The following LATS2 variants were observed in gnomAD, a reference collection of about 807,000 sequenced individuals.
The protein encoded by LATS2 is serine/threonine-protein kinase LATS2.
A neutral mutation model predicts 76.0 loss-of-function variants in LATS2; 24 were observed. That is an observed-to-expected ratio of 0.32 (90% CI 0.23 to 0.44). The LOEUF (loss-of-function observed/expected upper bound fraction) is 0.44. Ranked by LOEUF, LATS2 falls within the 20% of genes least tolerant of loss-of-function variation. LATS2 has a pLI of 1.00. For missense variants in LATS2, 1,286 were observed against 1,481.2 expected, an observed-to-expected ratio of 0.87 and a Z score of 2.16; for synonymous variants, 692 against 635.4, an observed-to-expected ratio of 1.09 and a Z score of -1.34.
At chr13:21,009,508 A>G (rs186858641) in intron 2 of LATS2, among the ~76,000 whole-genome samples, 1 of 152,230 alleles carries the variant, frequency 6.6e-6, no homozygotes, top group African/African-American at 2.4e-5. Flanking sequence ...TAAAACAATT[A>G]ACAGACTGTT....
At chr13:21,056,003 G>T (rs1214985520) in intron 1 of LATS2, among the ~76,000 whole-genome samples, 1 of 152,194 alleles carries the variant, frequency 6.6e-6, no homozygotes. Flanking sequence ...TGGGGATCCA[G>T]GAAAACACAC....
rs568403371 is a variant in LATS2, at chr13:21,038,156, G to A, written c.342+7529C>T. 6.6e-5 allele frequency among the ~76,000 whole-genome samples: 10 copies of A among 152,102 alleles called. No individual in the cohort carries two copies. In the South Asian group the frequency reaches 1.9e-3, roughly 28 times the overall value. On this transcript the variant is annotated intron_variant, in intron 2 of 7. Coordinates refer to ENST00000382592, the MANE Select transcript of LATS2 (RefSeq NM_014572.3). ...CTGAGGAGGGTACTGTGCAGGGAAG[G>A]CCGGAGAAAGACGCAGAAGGGGCAA...
At position 20,988,818 on chromosome 13, in the gene LATS2, G is replaced by A; in HGVS notation, c.962C>T (p.Ala321Val). The change falls in exon 4 of 8, where the codon GCC becomes GTC. Residue 321 changes from alanine to valine, a missense_variant. Physicochemically the swap from Ala to Val is moderately conservative, Grantham distance 64. Coordinates refer to ENST00000382592, the MANE Select transcript of LATS2 (RefSeq NM_014572.3). Reference protein sequence around the residue: ...LYVPHPHHKQAGPAAHQLHVL... With the variant: ...LYVPHPHHKQVGPAAHQLHVL... ...ATGCAGCTGGTGGGCCGCGGGACCG[G>A]CCTGCTTGTGGTGTGGGTGCGGCAC... The A allele has an allele frequency of 6.3e-7, 1 of 1,596,796 alleles. No individual in the cohort carries two copies.
intron 2 of LATS2, among the ~76,000 whole-genome samples, chr13:21,036,451 A>T (rs1404376311): frequency 6.6e-6 from 1 of 152,116 alleles, no homozygotes; most frequent in Non-Finnish European, 1.5e-5. Flanking sequence ...ACCACTTTCT[A>T]TTATCACACA....
At chr13:20,993,703 G>T (rs2138301738) in intron 2 of LATS2, among the ~76,000 whole-genome samples, 1 of 152,292 alleles carries the variant, frequency 6.6e-6, no homozygotes, top group Non-Finnish European at 1.5e-5. Flanking sequence ...GGCAGCGGTG[G>T]TTCAGAAGGG....
chr13:21,038,484 T>A (rs1017374665), intron 2 of LATS2: 10 of 152,150 alleles, frequency 6.6e-5, no homozygotes, highest in African/African-American at 2.4e-4. Context: ...ATTACAGGTG[T>A]GAGTCACTGC....
chr13:21,061,567 G>C lies in LATS2; in HGVS notation c.-426C>G, dbSNP rs1402687103. ...ACCCAAGTGGGACATTCGCTACATT[G>C]TTGGCATTCCACGGGCGTCACGTGA... On this transcript the variant is annotated 5_prime_UTR_variant, in exon 1 of 8. Transcript: ENST00000382592. The C allele has an allele frequency of 6.6e-6, 1 of 152,644 alleles. No homozygotes were observed. Among genetic ancestry groups the C allele is most frequent in the African/African-American group, 2.4e-5 (1 of 41,458 alleles). The allele number at this position is 152,644 out of a possible 1,614,324, so 9.5% of individuals were successfully genotyped here.
At position 20,992,350 on chromosome 13, in the gene LATS2, C is replaced by T. The variant is rs138137566; in HGVS notation, c.343-946G>A. ...GAGGAAGCTTTCAAACTGGGACATA[C>T]GGCATCAGCAGGTCAGGCTGGGGGC... On this transcript the variant is annotated intron_variant, in intron 2 of 7. Coordinates refer to ENST00000382592, the MANE Select transcript of LATS2 (RefSeq NM_014572.3). 7.4e-4 allele frequency among the ~76,000 whole-genome samples: 113 copies of T among 152,266 alleles called. 2 individuals are homozygous for T. The highest frequency in any genetic ancestry group is 2.4e-3 in the African/African-American group (98 of 41,548).
At chr13:21,024,975 C>A (rs534019608) in intron 2 of LATS2, among the ~76,000 whole-genome samples, 1 of 152,298 alleles carries the variant, frequency 6.6e-6, no homozygotes, top group Non-Finnish European at 1.5e-5. Flanking sequence ...GCAGACCAGG[C>A]TTCCCCCATA....
intron 1 of LATS2, among the ~76,000 whole-genome samples, chr13:21,057,503 A>G (rs916341997): frequency 2.0e-5 from 3 of 152,216 alleles, no homozygotes; most frequent in African/African-American, 7.2e-5. Flanking sequence ...CTGTTTTCAT[A>G]CTTTCAAAAT....
Position 21,057,564 on chromosome 13 carries a change from C to T in LATS2, c.-205+3782G>A, listed in dbSNP as rs192321129. Among the ~76,000 whole-genome samples, 1,196 of 152,072 alleles carry T rather than the reference C, an allele frequency of 7.9e-3. 10 individuals are homozygous for T. The highest frequency in any genetic ancestry group is 0.028 in the African/African-American group (1,145 of 41,476). ...GGGCGCGGTGGCTCATGCCTGTAGG[C>T]GGGTGGATCACGAGGTCAGGAGATC... is the stretch of plus-strand genomic sequence containing the variant. On this transcript the variant is annotated intron_variant, in intron 1 of 7. Transcript: ENST00000382592.
At chr13:20,977,252 T>C (rs921545854) in intron 7 of LATS2, among the ~76,000 whole-genome samples, 1 of 151,756 alleles carries the variant, frequency 6.6e-6, no homozygotes, top group African/African-American at 2.4e-5. Context: ...AAAAATTAGC[T>C]GGTGTTGTGG....
chr13:21,016,360 T>C (rs1871800876), intron 2 of LATS2, among the ~76,000 whole-genome samples: 3 of 152,064 alleles, frequency 2.0e-5, no homozygotes. Context: ...CTCGGCTCAC[T>C]GCAACCTCAG....
At chr13:21,058,242 G>C (rs1873510247) in intron 1 of LATS2, among the ~76,000 whole-genome samples, 1 of 152,206 alleles carries the variant, frequency 6.6e-6, no homozygotes, top group Non-Finnish European at 1.5e-5. Flanking sequence ...TAAAAAGTCA[G>C]TAAGAAATAC....
At chr13:21,031,343 C>T (rs1043546905) in intron 2 of LATS2, among the ~76,000 whole-genome samples, 5 of 152,180 alleles carry the variant, frequency 3.3e-5, no homozygotes, top group Non-Finnish European at 7.3e-5. Flanking sequence ...TGGACAACCT[C>T]ATATCATCCC....
chr13:21,018,993 A>G (rs968801147), intron 2 of LATS2, among the ~76,000 whole-genome samples: 1 of 151,304 alleles, frequency 6.6e-6, no homozygotes, highest in African/African-American at 2.4e-5. Flanking sequence ...TTCTGCAGCC[A>G]CTCTCTCACG....
intron 2 of LATS2, among the ~76,000 whole-genome samples, chr13:21,000,330 G>A (rs1224392958): frequency 3.3e-5 from 5 of 151,956 alleles, no homozygotes; most frequent in East Asian, 1.9e-4. Context: ...GCAATGAGCC[G>A]AGATTGCACC....
intron 2 of LATS2, among the ~76,000 whole-genome samples, chr13:21,001,810 T>G (rs1355354741): frequency 1.3e-5 from 2 of 151,950 alleles, no homozygotes; most frequent in African/African-American, 2.4e-5. Flanking sequence ...ACCTGGCAGA[T>G]GGAGGTTGCG....
At chr13:20,976,961 G>T (rs1310399551) in intron 7 of LATS2, among the ~76,000 whole-genome samples, 1 of 152,090 alleles carries the variant, frequency 6.6e-6, no homozygotes, top group African/African-American at 2.4e-5. Context: ...ATATCCAAAA[G>T]AACCGGAAGC....
Sources: allele counts gnomAD v4.1 joint callset (sites outside exome capture counted in the v4.1 genomes callset), GRCh38; gene constraint gnomAD v4.1.1; transcripts MANE v1.5; gene names NCBI Gene and HGNC (gene_info 2026-07-23, HGNC 2026-07-21).